The following EYS variants were observed in gnomAD, a reference collection of about 807,000 sequenced individuals.
EYS encodes the protein protein eyes shut homolog.
Under a neutral mutation model 282.1 loss-of-function variants are expected in EYS, and 250 were observed. That is an observed-to-expected ratio of 0.89 (90% CI 0.80 to 0.98). EYS has a LOEUF of 0.98. Ranked by LOEUF, EYS falls within the 50% of genes least tolerant of loss-of-function variation. The pLI, the probability that EYS is intolerant of heterozygous loss-of-function variation, is 0.00. For synonymous variants in EYS, 1,355 were observed against 1,282.9 expected (o/e 1.06, Z -1.20); for missense variants, 4,016 against 3,709.0 (o/e 1.08, Z -2.15).
At chr6:65,469,719 A>T (rs9354253) in intron 5 of EYS, among the ~76,000 whole-genome samples, 28,319 of 151,800 alleles carry the variant, frequency 0.19, 3,264 homozygotes, top group Middle Eastern at 0.3. Flanking sequence ...TCTTTTTTTT[A>T]AGTCACAAAA....
intron 1 of EYS, among the ~76,000 whole-genome samples, chr6:65,701,383 A>T (rs1190713371): frequency 6.6e-6 from 1 of 152,176 alleles, no homozygotes; most frequent in Non-Finnish European, 1.5e-5. Context: ...GGGAAAATTG[A>T]AAATAAATCT....
At chr6:65,682,322 G>T (rs571169370) in intron 1 of EYS, among the ~76,000 whole-genome samples, 1 of 151,910 alleles carries the variant, frequency 6.6e-6, no homozygotes, top group East Asian at 2.0e-4. Flanking sequence ...TACGGAGTGG[G>T]AAGAAAACAT....
intron 32 of EYS, 147 bp from the exon 33 acceptor site, chr6:64,066,638 A>C (rs1036995209): frequency 6.5e-6 from 4 of 611,476 alleles, no homozygotes; most frequent in African/African-American, 1.9e-5. Flanking sequence ...TGTAATAAGT[A>C]CCATATTAGA....
intron 36 of EYS, among the ~76,000 whole-genome samples, chr6:63,820,756 G>A (rs973537566): frequency 6.6e-6 from 1 of 152,100 alleles, no homozygotes; most frequent in African/African-American, 2.4e-5. Context: ...CATATATGCT[G>A]GGGTCTTTTG....
chr6:64,836,452 G>C (rs1246515814), intron 19 of EYS, among the ~76,000 whole-genome samples: 1 of 151,070 alleles, frequency 6.6e-6, no homozygotes, highest in African/African-American at 2.4e-5. Flanking sequence ...ATATTTTTGG[G>C]GGTTATCTCT....
At chr6:63,871,906 T>C (rs1772815514) in intron 35 of EYS, among the ~76,000 whole-genome samples, 1 of 152,082 alleles carries the variant, frequency 6.6e-6, no homozygotes, top group Non-Finnish European at 1.5e-5. Flanking sequence ...TCAGTGCTGC[T>C]CACCCCCAGC....
chr6:64,404,069 G>A (rs1561975684), intron 28 of EYS, among the ~76,000 whole-genome samples: 1 of 152,078 alleles, frequency 6.6e-6, no homozygotes, highest in Non-Finnish European at 1.5e-5. Context: ...ATTTAATTAT[G>A]TAAAATTGGG....
Position 64,036,188 on chromosome 6 carries a change from G to A in EYS, c.6725+30150C>T, listed in dbSNP as rs1420023091. 2.0e-5 allele frequency among the ~76,000 whole-genome samples: 3 copies of A among 152,034 alleles called. No individual in the cohort carries two copies. The East Asian group carries it at 5.8e-4, about 29-fold the overall frequency. On this transcript the variant is annotated intron_variant, in intron 33 of 42. Transcript: ENST00000503581. Reference sequence around the variant, plus strand: ...CTCTGCCATTCCAGACTAGGAAACAGCAAATGCAAAAGCATGTAAAGATGA... The same window carrying A: ...CTCTGCCATTCCAGACTAGGAAACAACAAATGCAAAAGCATGTAAAGATGA...
intron 31 of EYS, among the ~76,000 whole-genome samples, chr6:64,228,919 G>T (rs1347645858): frequency 2.0e-5 from 3 of 152,106 alleles, no homozygotes; most frequent in Non-Finnish European, 4.4e-5. Flanking sequence ...AGAAATGATG[G>T]CTTAGAGGGT....
At chr6:64,989,707 A>G (rs1158514071) in intron 14 of EYS, among the ~76,000 whole-genome samples, 2 of 145,382 alleles carry the variant, frequency 1.4e-5, no homozygotes, top group African/African-American at 2.5e-5. Flanking sequence ...TTTCTTATGT[A>G]TAAATTATAA....
chr6:65,414,486 G>A (rs1217320034), intron 5 of EYS, among the ~76,000 whole-genome samples: 1 of 151,818 alleles, frequency 6.6e-6, no homozygotes, highest in Non-Finnish European at 1.5e-5. Flanking sequence ...AAGACAGTGA[G>A]AAAAAAATCA....
At chr6:64,518,013 T>G (rs16895428) in intron 26 of EYS, among the ~76,000 whole-genome samples, 7,834 of 151,922 alleles carry the variant, frequency 0.052, 684 homozygotes, top group African/African-American at 0.18. Flanking sequence ...AGCCATTTCA[T>G]TAACAGAAGC....
intron 22 of EYS, among the ~76,000 whole-genome samples, chr6:64,767,512 A>T (rs1171914351): frequency 1.3e-5 from 2 of 151,694 alleles, no homozygotes; most frequent in African/African-American, 4.8e-5. Flanking sequence ...TTTTGCATTC[A>T]TATATGAATG....
At chr6:64,031,915 T>C (rs1769864805) in intron 33 of EYS, among the ~76,000 whole-genome samples, 1 of 152,152 alleles carries the variant, frequency 6.6e-6, no homozygotes. Flanking sequence ...GAGCCAGCAG[T>C]GGCAACCTGC....
At chr6:64,889,465 T>G (rs983788768) in intron 18 of EYS, among the ~76,000 whole-genome samples, 30 of 152,038 alleles carry the variant, frequency 2.0e-4, no homozygotes, top group Non-Finnish European at 4.0e-4. Context: ...TTTTGCCTTT[T>G]GAACCCTTTG....
chr6:65,231,957 T>C (rs928506078), intron 12 of EYS, among the ~76,000 whole-genome samples: 1 of 151,994 alleles, frequency 6.6e-6, no homozygotes, highest in Admixed American at 6.6e-5. Flanking sequence ...ATCCAATCTA[T>C]ATGCCAGTGT....
chr6:63,804,033 T>C (rs530040234), intron 37 of EYS, among the ~76,000 whole-genome samples: 14 of 152,170 alleles, frequency 9.2e-5, no homozygotes, highest in Non-Finnish European at 1.6e-4. Context: ...TTCTTTTTCT[T>C]GAGACAGAGT....
chr6:65,613,337 T>C (rs1299643285), intron 2 of EYS, among the ~76,000 whole-genome samples: 2 of 151,894 alleles, frequency 1.3e-5, no homozygotes, highest in Non-Finnish European at 3.0e-5. Context: ...AGAGACCTAG[T>C]TGAATCCTTT....
intron 1 of EYS, among the ~76,000 whole-genome samples, chr6:65,699,944 C>T (rs1769601417): frequency 6.6e-6 from 1 of 151,310 alleles, no homozygotes; most frequent in African/African-American, 2.4e-5. Context: ...GAAACCCTGT[C>T]TCTACTAAAA....
Sources: allele counts gnomAD v4.1 joint callset (sites outside exome capture counted in the v4.1 genomes callset), GRCh38; gene constraint gnomAD v4.1.1; transcripts MANE v1.5; gene names NCBI Gene and HGNC (gene_info 2026-07-23, HGNC 2026-07-21).